Variants in DGKE observed in about 807,000 individuals in gnomAD.
DGKE encodes diacylglycerol kinase epsilon.
In DGKE, 53 loss-of-function variants were observed where a neutral mutation model predicts 70.0. The ratio of observed to expected loss-of-function variants is 0.76; its 90% CI spans 0.61 to 0.95. DGKE has a LOEUF of 0.95. Ranked by LOEUF, DGKE falls within the 40% of genes least tolerant of loss-of-function variation. The pLI is 0.00. For missense variants in DGKE, 655 were observed against 706.9 expected (o/e 0.93, Z 0.83); for synonymous variants, 291 against 257.0 (o/e 1.13, Z -1.27).
At chr17:56,836,333 A>G (rs1225450729) in intron 2 of DGKE, 2 of 152,242 alleles carry the variant, frequency 1.3e-5, no homozygotes, top group African/African-American at 4.8e-5. Context: ...AAATGTTCAA[A>G]ATAATGTATT....
chr17:56,850,374 C>T lies in DGKE; in HGVS notation c.1098+1142C>T, dbSNP rs575941499. ...TCTCGAACTCCTAGGCTCAAGCAAT[C>T]CTCCCACCTCAGCCTTCCAAAGTGT... On this transcript the variant is annotated intron_variant, in intron 7 of 11. Coordinates refer to ENST00000284061, the MANE Select transcript of DGKE (RefSeq NM_003647.3). Among the ~76,000 whole-genome samples, 145 of 152,140 alleles carry T rather than the reference C, an allele frequency of 9.5e-4. 1 individual carries two copies. The highest frequency in any genetic ancestry group is 1.6e-3 in the Non-Finnish European group (107 of 68,024).
At chr17:56,841,320 G>GTA (rs1234335288) in intron 2 of DGKE, among the ~76,000 whole-genome samples, 1 of 151,470 alleles carries the variant, frequency 6.6e-6, no homozygotes, top group African/African-American at 2.4e-5. Context: ...ATACATATCT[G>GTA]TATATATATT....
At chr17:56,839,788 T>C (rs947539652) in intron 2 of DGKE, among the ~76,000 whole-genome samples, 1 of 152,208 alleles carries the variant, frequency 6.6e-6, no homozygotes, top group Admixed American at 6.5e-5. Flanking sequence ...CCCAAAGTGC[T>C]GGGATTGCAG....
In DGKE at chr17:56,865,868, G is replaced by T. The variant is rs1908505383; in HGVS notation, c.*3077G>T. The T allele has an allele frequency of 6.6e-6, 1 of 151,910 alleles. No individual in the cohort carries two copies. The highest frequency in any genetic ancestry group is 2.4e-5 in the African/African-American group (1 of 41,378). 9.4% of individuals were successfully genotyped at this position (151,910 alleles called of 1,614,324 possible). A position where few individuals can be genotyped will look rare whatever the true frequency, so the allele number is the denominator to read the frequency against. On this transcript the variant is annotated 3_prime_UTR_variant, in exon 12 of 12. Coordinates refer to ENST00000284061, the MANE Select transcript of DGKE (RefSeq NM_003647.3). Reference sequence around the variant, plus strand: ...TTTGCACTAACTTGAAAACTTTAAAGGTTATACTAATTTAATGATTAATGT... The same window carrying T: ...TTTGCACTAACTTGAAAACTTTAAATGTTATACTAATTTAATGATTAATGT...
At chr17:56,843,446 T>A (rs1907105149) in intron 2 of DGKE, among the ~76,000 whole-genome samples, 1 of 152,132 alleles carries the variant, frequency 6.6e-6, no homozygotes, top group African/African-American at 2.4e-5. Flanking sequence ...TTTAGTGTTA[T>A]TATTAAAATT....
intron 4 of DGKE, chr17:56,847,247 A>G (rs1306267558): frequency 1.3e-5 from 2 of 151,904 alleles, no homozygotes; most frequent in African/African-American, 4.8e-5. Context: ...AAGCCAGTAT[A>G]AGATATGAAA....
chr17:56,865,259 T>A lies in DGKE; in HGVS notation c.*2468T>A. The A allele has an allele frequency of 6.6e-6, 1 of 152,164 alleles. No homozygotes were observed. Among genetic ancestry groups the A allele is most frequent in the East Asian group, 1.9e-4 (1 of 5,200 alleles). 9.4% of individuals were successfully genotyped at this position (152,164 alleles called of 1,614,324 possible). ...AAAAAATTGCCATAAGATTTTCCTG[T>A]TCCATTTTAAATTGTCTTGATATTT... is the stretch of plus-strand genomic sequence containing the variant. On this transcript the variant is annotated 3_prime_UTR_variant, in exon 12 of 12. Transcript: ENST00000284061.
In DGKE at chr17:56,862,149, T is replaced by C; in HGVS notation, c.1422T>C (p.Asp474=). 6.2e-7 allele frequency: 1 copy of C among 1,614,146 alleles called. No homozygotes were observed. Among genetic ancestry groups the C allele is most frequent in the East Asian group, 2.2e-5 (1 of 44,880 alleles). ...DETYPLARHD[D]GLLEVVGVYG... ...CTTTTTCCAATTTTAGGCATGACGA[T>C]GGTCTGCTGGAAGTCGTTGGAGTAT... is the stretch of plus-strand genomic sequence containing the variant. Residue 474 remains aspartate (D), a synonymous_variant, in exon 11 of 12, where the codon GAT becomes GAC. Coordinates refer to ENST00000284061, the MANE Select transcript of DGKE (RefSeq NM_003647.3).
At position 56,834,881 on chromosome 17, in the gene DGKE, C is replaced by T. The variant is rs1374447524; in HGVS notation, c.86C>T (p.Ser29Leu). Residue 29 changes from serine (S) to leucine (L), a missense_variant, in exon 2 of 12, where the codon TCG becomes TTG. Ser to Leu is a moderately radical substitution (Grantham distance 145, BLOSUM62 -2). Transcript: ENST00000284061. The stretch of plus-strand genomic sequence containing the variant: ...CACCTGATCTTGTGGACGCTGTGCT[C>T]GGTCCTGCTGCCGGTGTTCATCACC... ...DGHLILWTLC[S>L]VLLPVFITFW... is the part of the protein sequence containing the mutation. 1.9e-6 allele frequency: 3 copies of T among 1,613,496 alleles called. No individual in the cohort carries two copies. Among genetic ancestry groups the T allele is most frequent in the Non-Finnish European group, 2.5e-6 (3 of 1,179,854 alleles).
chr17:56,834,321 T>C (rs903387609), intron 1 of DGKE, 61 bp downstream of exon 1: 1 of 158,412 alleles, frequency 6.3e-6, no homozygotes, highest in Admixed American at 6.5e-5. Context: ...GGGGCTAGGG[T>C]CGCCGGGCCG....
intron 6 of DGKE, 62 bp from the exon 7 acceptor site, chr17:56,849,119 A>C: frequency 6.7e-7 from 1 of 1,497,744 alleles, no homozygotes; most frequent in Non-Finnish European, 9.1e-7. Context: ...TCATTTATCC[A>C]AACATCCAGA....
At chr17:56,845,647 C>T (rs1907234481) in intron 3 of DGKE, 43 bp from the exon 4 acceptor site, 1 of 1,564,432 alleles carries the variant, frequency 6.4e-7, no homozygotes, top group South Asian at 1.2e-5. Flanking sequence ...TGCTTTTCAT[C>T]TTTAAGATAC....
rs373335233 is a variant in DGKE, at chr17:56,834,853, G to T, written c.58G>T (p.Gly20Trp). 22 of 1,611,566 alleles carry T rather than the reference G, an allele frequency of 1.4e-5. No homozygotes were observed. The highest frequency in any genetic ancestry group is 4.4e-5 in the South Asian group (4 of 90,970). Reference protein sequence around the residue: ...GSPSEGLFADGHLILWTLCSV... With the variant: ...GSPSEGLFADWHLILWTLCSV... ...GCCCTCCGAGGGCCTGTTTGCGGAC[G>T]GGCACCTGATCTTGTGGACGCTGTG... is the stretch of plus-strand genomic sequence containing the variant. Residue 20 changes from glycine (G) to tryptophan (W), a missense_variant, in exon 2 of 12, where the codon GGG becomes TGG. Gly to Trp is a radical substitution (Grantham distance 184). Coordinates refer to ENST00000284061, the MANE Select transcript of DGKE (RefSeq NM_003647.3).
chr17:56,851,006 GA>G (rs1303461429), intron 7 of DGKE, among the ~76,000 whole-genome samples: 1 of 152,222 alleles, frequency 6.6e-6, no homozygotes, highest in Non-Finnish European at 1.5e-5. Context: ...AGAGGGAAAA[GA>G]GATGAGAGAG....
At chr17:56,843,845 C>G (rs1244192214) in intron 2 of DGKE, among the ~76,000 whole-genome samples, 174 bp from the exon 3 acceptor site, 4 of 147,226 alleles carry the variant, frequency 2.7e-5, no homozygotes, top group African/African-American at 7.5e-5. Flanking sequence ...CAAATATGTT[C>G]AAACCTTATT....
rs1238679778 is a variant in DGKE, at chr17:56,868,350, G to A, written c.*5559G>A. On this transcript the variant is annotated 3_prime_UTR_variant, in exon 12 of 12. Coordinates refer to ENST00000284061, the MANE Select transcript of DGKE (RefSeq NM_003647.3). ...AACCCTACAGATAAATTGGCACTCT[G>A]ATTTGTAATTCTGTTTGTACAAGTT... 6.6e-6 allele frequency: 1 copy of A among 152,240 alleles called. No individual in the cohort carries two copies. The highest frequency in any genetic ancestry group is 1.5e-5 in the Non-Finnish European group (1 of 68,056). The allele number at this position is 152,240 out of a possible 1,614,324, so 9.4% of individuals were successfully genotyped here.
Position 56,849,150 on chromosome 17 carries a change from C to T in DGKE, c.1047-31C>T, listed in dbSNP as rs2271899. ...CCAGAGTATGGGGTTTATTGTAAAA[C>T]GTGCTGTTTTTTTTAACTTCTGTTT... On this transcript the variant is annotated intron_variant, in intron 6 of 11. Transcript: ENST00000284061. 7,351 of 1,585,818 alleles carry T rather than the reference C, an allele frequency of 4.6e-3. 167 individuals carry two copies. The East Asian group carries it at 0.048, about 10-fold the overall frequency.
intron 7 of DGKE, among the ~76,000 whole-genome samples, chr17:56,851,025 C>T (rs539312481): frequency 1.3e-5 from 2 of 152,192 alleles, no homozygotes; most frequent in South Asian, 4.1e-4. Context: ...GAGTGCAAAG[C>T]ATGGTTAGCA....
At chr17:56,859,282 G>A (rs188851516) in intron 9 of DGKE, among the ~76,000 whole-genome samples, 197 of 151,442 alleles carry the variant, frequency 1.3e-3, no homozygotes, top group African/African-American at 4.5e-3. Flanking sequence ...CCAAGATCGC[G>A]ACGCTGCATT....
Sources: gnomAD v4.1 joint callset for allele counts (sites outside exome capture counted in the v4.1 genomes callset) on GRCh38, gnomAD v4.1.1 for gene constraint, MANE v1.5 for transcripts, NCBI Gene and HGNC (gene_info 2026-07-23, HGNC 2026-07-21) for gene names.